Variants in HDAC4 observed in about 807,000 individuals in gnomAD.
HDAC4 encodes histone deacetylase A.
HDAC4 carries 16 observed loss-of-function variants against 135.1 expected under a neutral mutation model. The observed-to-expected ratio is 0.12, with a 90% CI of 0.08 to 0.18. HDAC4 has a LOEUF of 0.18. Among genes scored for constraint, HDAC4 ranks in the 10% least tolerant of loss-of-function variants. HDAC4 has a pLI of 1.00. For synonymous variants in HDAC4, 685 were observed against 653.4 expected, an observed-to-expected ratio of 1.05 and a Z score of -0.74; for missense variants, 1,143 against 1,511.8, an observed-to-expected ratio of 0.76 and a Z score of 4.05.
At chr2:239,286,363 A>G (rs1284177604) in intron 2 of HDAC4, among the ~76,000 whole-genome samples, 1 of 152,246 alleles carries the variant, frequency 6.6e-6, no homozygotes, top group Non-Finnish European at 1.5e-5. Flanking sequence ...GAGTGAGAAG[A>G]TCCTGACGAA....
chr2:239,057,017 C>A (rs1004833711), intron 24 of HDAC4, among the ~76,000 whole-genome samples: 1 of 152,182 alleles, frequency 6.6e-6, no homozygotes, highest in Non-Finnish European at 1.5e-5. Context: ...TGATCCTGGA[C>A]GGGACCCTAA....
At chr2:239,379,676 C>G (rs896964772) in intron 1 of HDAC4, among the ~76,000 whole-genome samples, 1 of 152,168 alleles carries the variant, frequency 6.6e-6, no homozygotes, top group South Asian at 2.1e-4. Context: ...CCAGCCTGGG[C>G]ACCATTCCCC....
chr2:239,145,198 G>C (rs1348808138), intron 7 of HDAC4, among the ~76,000 whole-genome samples: 17 of 152,200 alleles, frequency 1.1e-4, no homozygotes, highest in Admixed American at 1.1e-3. Flanking sequence ...ATGTGAGGAT[G>C]GTGTCCACGT....
chr2:239,071,880 C>A (rs2152630025), intron 22 of HDAC4, among the ~76,000 whole-genome samples: 1 of 152,282 alleles, frequency 6.6e-6, no homozygotes, highest in South Asian at 2.1e-4. Flanking sequence ...ATGGTGTCAA[C>A]TGTTGCTTCT....
intron 1 of HDAC4, among the ~76,000 whole-genome samples, chr2:239,387,456 TG>T (rs1464768498): frequency 6.6e-6 from 1 of 152,134 alleles, no homozygotes; most frequent in Non-Finnish European, 1.5e-5. Context: ...CACCTTCGCC[TG>T]GAAGAAACCT....
intron 22 of HDAC4, among the ~76,000 whole-genome samples, chr2:239,077,249 C>T (rs957657566): frequency 5.9e-5 from 9 of 152,252 alleles, no homozygotes; most frequent in Admixed American, 2.6e-4. Flanking sequence ...CCCAGGTGAG[C>T]GGGTTTGCAC....
intron 3 of HDAC4, 143 bp from the exon 4 acceptor site, chr2:239,190,220 C>T (rs1327885474): frequency 1.0e-5 from 12 of 1,147,836 alleles, no homozygotes; most frequent in Non-Finnish European, 1.3e-5. Context: ...CCCTCTCCCC[C>T]TGTCCCCCTC....
At chr2:239,379,251 T>C (rs972631137) in intron 1 of HDAC4, among the ~76,000 whole-genome samples, 3 of 152,082 alleles carry the variant, frequency 2.0e-5, no homozygotes, top group African/African-American at 7.2e-5. Flanking sequence ...GGAAGCCAGG[T>C]GACCAACCCA....
At chr2:239,293,237 C>G (rs1212587205) in intron 2 of HDAC4, among the ~76,000 whole-genome samples, 1 of 152,212 alleles carries the variant, frequency 6.6e-6, no homozygotes, top group Non-Finnish European at 1.5e-5. Context: ...CTCTTCTCGA[C>G]AGATCCCAGC....
chr2:239,170,715 A>G (rs897149275), intron 5 of HDAC4, among the ~76,000 whole-genome samples: 9 of 152,236 alleles, frequency 5.9e-5, no homozygotes, highest in African/African-American at 1.9e-4. Context: ...GTGAAGGCAC[A>G]GAGAACAACT....
chr2:239,194,431 G>A (rs909529624), intron 3 of HDAC4, among the ~76,000 whole-genome samples: 4 of 152,198 alleles, frequency 2.6e-5, no homozygotes, highest in Non-Finnish European at 4.4e-5. Flanking sequence ...CCACGCTGCT[G>A]CCGGGGAATT....
chr2:239,145,571 G>T (rs2041703760), intron 7 of HDAC4, among the ~76,000 whole-genome samples: 1 of 152,234 alleles, frequency 6.6e-6, no homozygotes, highest in East Asian at 1.9e-4. Context: ...ACCCGGGAGA[G>T]GTTATCGGCT....
rs115568164 is a variant in HDAC4 at position 239,156,707 on chromosome 2, G to C, written c.678C>G (p.Asn226Lys). ...PPQSGVSTSY[N>K]HPVLGMYDAK... The stretch of plus-strand genomic sequence containing the variant: ...CGTCGTACATTCCCAGGACCGGGTG[G>C]TTATAGGAGGTCGACACTCCGCTCT... Residue 226 changes from asparagine to lysine, a missense_variant, in exon 7 of 27, where the codon AAC becomes AAG. Asn to Lys is a moderately conservative substitution (Grantham distance 94). Transcript: ENST00000543185. The C allele has an allele frequency of 3.5e-5, 56 of 1,614,134 alleles. No individual in the cohort carries two copies. In the Admixed American group the frequency reaches 3.8e-4, roughly 11 times the overall value.
At position 239,126,454 on chromosome 2, in the gene HDAC4, A is replaced by G; in HGVS notation, c.1533+2T>C. On this transcript the variant is annotated splice_donor_variant, in intron 12 of 26. Transcript: ENST00000543185. LOFTEE classifies it high-confidence loss of function. Reference sequence around the variant, plus strand: ...CTGGGAGCGCTGAGCCGGCAAACCCACCTTGTTCATCTGCAGTTGCTGCTG... The same window carrying G: ...CTGGGAGCGCTGAGCCGGCAAACCCGCCTTGTTCATCTGCAGTTGCTGCTG... 6.2e-7 allele frequency: 1 copy of G among 1,613,620 alleles called. No homozygotes were observed. The highest frequency in any genetic ancestry group is 8.5e-7 in the Non-Finnish European group (1 of 1,179,966).
At chr2:239,282,876 A>G (rs780482390) in intron 2 of HDAC4, among the ~76,000 whole-genome samples, 1 of 151,624 alleles carries the variant, frequency 6.6e-6, no homozygotes, top group Non-Finnish European at 1.5e-5. Flanking sequence ...ACCACTCTCC[A>G]TGTACATACC....
chr2:239,223,414 G>A (rs779901004), intron 3 of HDAC4, among the ~76,000 whole-genome samples: 4 of 152,138 alleles, frequency 2.6e-5, no homozygotes, highest in East Asian at 3.8e-4. Flanking sequence ...AGGGCGCTGC[G>A]GGTCACTGGG....
intron 2 of HDAC4, among the ~76,000 whole-genome samples, chr2:239,292,163 T>C (rs1575626474): frequency 6.6e-6 from 1 of 152,096 alleles, no homozygotes; most frequent in Non-Finnish European, 1.5e-5. Context: ...GGATGGTAGG[T>C]GGGGCCCCAA....
At chr2:239,300,240 C>T (rs912259481) in intron 2 of HDAC4, among the ~76,000 whole-genome samples, 3 of 152,320 alleles carry the variant, frequency 2.0e-5, no homozygotes, top group Non-Finnish European at 2.9e-5. Context: ...CAGATGAAGC[C>T]TCATCCATTC....
chr2:239,188,893 C>G (rs1253899178), intron 4 of HDAC4, among the ~76,000 whole-genome samples: 2 of 152,262 alleles, frequency 1.3e-5, no homozygotes, highest in East Asian at 3.8e-4. Context: ...GAGCTCCTCC[C>G]GCCTCAGTCC....
Sources: gnomAD v4.1 joint callset for allele counts (sites outside exome capture counted in the v4.1 genomes callset) on GRCh38, gnomAD v4.1.1 for gene constraint, MANE v1.5 for transcripts, NCBI Gene and HGNC (gene_info 2026-07-23, HGNC 2026-07-21) for gene names.